PTK2: variants seen among roughly 807,000 people sequenced by gnomAD.
PTK2 encodes the protein protein tyrosine kinase 2, also known as focal adhesion kinase 1.
In PTK2, 45 loss-of-function variants were observed where a neutral mutation model predicts 150.1. That is an observed-to-expected ratio of 0.30 (90% CI 0.24 to 0.38). PTK2 has a LOEUF of 0.38. Among genes scored for constraint, PTK2 ranks in the 10% least tolerant of loss-of-function variants. PTK2 has a pLI of 1.00. For missense variants in PTK2, 919 were observed against 1,307.3 expected (o/e 0.70, Z 4.58); for synonymous variants, 432 against 449.2 (o/e 0.96, Z 0.48).
intron 10 of PTK2, among the ~76,000 whole-genome samples, chr8:140,817,447 T>A (rs1224973395): frequency 2.0e-5 from 3 of 152,122 alleles, no homozygotes; most frequent in Non-Finnish European, 2.9e-5. Flanking sequence ...CACTACACTA[T>A]GTTAAGTGGA....
At chr8:140,762,970 C>T (rs549051015) in intron 15 of PTK2, among the ~76,000 whole-genome samples, 1 of 152,108 alleles carries the variant, frequency 6.6e-6, no homozygotes, top group African/African-American at 2.4e-5. Flanking sequence ...TTGGTAGAGA[C>T]AGGATCTTGT....
chr8:140,702,860 G>A (rs1245424991), intron 24 of PTK2, 153 bp from the exon 28 acceptor site: 2 of 906,184 alleles, frequency 2.2e-6, no homozygotes, highest in Non-Finnish European at 3.2e-6. Flanking sequence ...TTGAACATGT[G>A]AATATGTTTC....
intron 1 of PTK2, among the ~76,000 whole-genome samples, chr8:140,941,727 CA>C (rs2100175851): frequency 6.6e-6 from 1 of 151,638 alleles, no homozygotes; most frequent in Admixed American, 6.6e-5. Flanking sequence ...TTTTTGGAGA[CA>C]GGGTCTCACT....
intron 1 of PTK2, chr8:140,927,456 G>C (rs1454994066): frequency 1.3e-5 from 2 of 152,156 alleles, no homozygotes; most frequent in Non-Finnish European, 2.9e-5. Flanking sequence ...AAAGGCTCTG[G>C]GTTACTTGTC....
In PTK2 at chr8:140,927,624, T is replaced by C. The variant is rs373799096; in HGVS notation, c.-121-1875A>G. 2.0e-5 allele frequency among the ~76,000 whole-genome samples: 3 copies of C among 152,164 alleles called. No homozygotes were observed. The East Asian group carries it at 5.8e-4, about 29-fold the overall frequency. On this transcript the variant is annotated intron_variant, in intron 1 of 31. Transcript: ENST00000522684. ...ATATACATTTTAAATTTATCCCTCA[T>C]GATGGCCTGAAAAAGCTAACCATTA...
intron 31 of PTK2, chr8:140,662,652 G>C (rs1457301036): frequency 3.7e-6 from 2 of 546,128 alleles, no homozygotes; most frequent in East Asian, 5.8e-5. Flanking sequence ...ACTTACAAAG[G>C]AATCACCAAC....
chr8:140,992,521 T>A (rs2100196122), intron 1 of PTK2, among the ~76,000 whole-genome samples: 1 of 152,072 alleles, frequency 6.6e-6, no homozygotes, highest in African/African-American at 2.4e-5. Flanking sequence ...CAGTGTTTGA[T>A]TCAAGAGGCC....
intron 1 of PTK2, among the ~76,000 whole-genome samples, chr8:140,930,505 G>A (rs2100171316): frequency 6.6e-6 from 1 of 152,068 alleles, no homozygotes; most frequent in Admixed American, 6.6e-5. Context: ...AGCACTTAAA[G>A]TTATAAAGTT....
At chr8:140,682,077 G>T (rs1373332567) in intron 27 of PTK2, among the ~76,000 whole-genome samples, 2 of 152,120 alleles carry the variant, frequency 1.3e-5, no homozygotes, top group African/African-American at 4.8e-5. Context: ...AAAAAATATT[G>T]CTTGAACAAA....
chr8:140,879,676 G>GAAAAAA lies in PTK2; in HGVS notation c.196-45_196-40dup. The GAAAAAA allele has an allele frequency of 5.8e-4, 20 of 34,582 alleles. 1 individual carries two copies. The highest frequency in any genetic ancestry group is 2.3e-3 in the Admixed American group (4 of 1,740). 2.1% of individuals were successfully genotyped at this position (34,582 alleles called of 1,614,324 possible). On this transcript the variant is annotated intron_variant, in intron 3 of 31. Coordinates refer to ENST00000522684, the Ensembl canonical transcript of PTK2. ...CCCACAAGAATGACTGTTATAAACT[G>GAAAAAA]AAAAAAAAAAAAAAAAAAAAAAAAA...
At chr8:140,902,924 G>GTTTTTTGTT (rs2100159140) in intron 2 of PTK2, among the ~76,000 whole-genome samples, 17 of 58,954 alleles carry the variant, frequency 2.9e-4, no homozygotes, top group Non-Finnish European at 6.1e-4. Context: ...GATGAGAGTT[G>GTTTTTTGTT]TTTTTTTTTT....
intron 14 of PTK2, among the ~76,000 whole-genome samples, chr8:140,778,493 T>C (rs1055885835): frequency 6.6e-6 from 1 of 152,160 alleles, no homozygotes; most frequent in African/African-American, 2.4e-5. Context: ...AAGTCATCTA[T>C]TGTGAGATCA....
intron 8 of PTK2, among the ~76,000 whole-genome samples, chr8:140,829,733 C>G (rs2100114177): frequency 1.3e-5 from 2 of 152,118 alleles, no homozygotes; most frequent in African/African-American, 4.8e-5. Flanking sequence ...ATTTACTAAT[C>G]TGTTAAATAT....
chr8:140,697,852 G>GTTTTTTTTTT (rs71308981), intron 26 of PTK2, among the ~76,000 whole-genome samples: 3 of 47,968 alleles, frequency 6.3e-5, no homozygotes, highest in African/African-American at 2.7e-4. Flanking sequence ...AGGGTTTACT[G>GTTTTTTTTTT]TTTTTTTTTT....
At chr8:141,000,008 T>C (rs1435068008) in intron 1 of PTK2, among the ~76,000 whole-genome samples, 4 of 128,232 alleles carry the variant, frequency 3.1e-5, no homozygotes, top group Non-Finnish European at 6.8e-5. Flanking sequence ...ACTGTTGAAA[T>C]GACTCGGAAA....
chr8:140,734,495 A>G (rs1398783840), intron 22 of PTK2, among the ~76,000 whole-genome samples: 1 of 152,170 alleles, frequency 6.6e-6, no homozygotes, highest in Non-Finnish European at 1.5e-5. Flanking sequence ...CTCTGAGTGT[A>G]GCTGGGGACA....
rs975180917 is a variant in PTK2, at chr8:140,942,627, C to CGT, written c.-121-16880_-121-16879dup. Among the ~76,000 whole-genome samples the CGT allele has an allele frequency of 5.4e-3, 302 of 55,414 alleles. 1 individual carries two copies. The highest frequency in any genetic ancestry group is 8.3e-3 in the African/African-American group (227 of 27,248). The allele number at this position is 55,414 out of a possible 152,430, so 36.4% of individuals were successfully genotyped here. Reference sequence around the variant, plus strand: ...AAATTTGAGCTCTAATGAGTGCGTGCGTGTGTGTGTGTGTGTGTGCGCGCA... The same window carrying CGT: ...AAATTTGAGCTCTAATGAGTGCGTGCGTGTGTGTGTGTGTGTGTGTGCGCGCA... On this transcript the variant is annotated intron_variant, in intron 1 of 31. Coordinates refer to ENST00000522684, the Ensembl canonical transcript of PTK2.
At chr8:140,806,466 C>T (rs966461467) in intron 10 of PTK2, among the ~76,000 whole-genome samples, 1 of 151,822 alleles carries the variant, frequency 6.6e-6, no homozygotes, top group African/African-American at 2.4e-5. Flanking sequence ...GGTGGTGACA[C>T]ATGAAATGAG....
rs61261890 is a variant in PTK2 at position 140,902,924 on chromosome 8, G to GTTTTTTTTTTTTTTTTTTTTTTT, written c.-32-12178_-32-12156dup. Among the ~76,000 whole-genome samples the GTTTTTTTTTTTTTTTTTTTTTTT allele has an allele frequency of 5.1e-5, 3 of 58,960 alleles. No individual in the cohort carries two copies. The East Asian group carries it at 1.2e-3, about 23-fold the overall frequency. 38.7% of individuals were successfully genotyped at this position (58,960 alleles called of 152,430 possible). On this transcript the variant is annotated intron_variant, in intron 2 of 31. Transcript: ENST00000522684. ...TTGCCTGTTCACTCTGATGAGAGTT[G>GTTTTTTTTTTTTTTTTTTTTTTT]TTTTTTTTTTTTTTTTTTTTTTTTT...
Sources: allele counts gnomAD v4.1 joint callset (sites outside exome capture counted in the v4.1 genomes callset), GRCh38; gene constraint gnomAD v4.1.1; transcripts MANE v1.5; gene names NCBI Gene and HGNC (gene_info 2026-07-23, HGNC 2026-07-21).